The following WDFY3 variants were observed in gnomAD, a reference collection of about 807,000 sequenced individuals.
The protein encoded by WDFY3 is WD repeat and FYVE domain-containing protein 3.
Under a neutral mutation model 409.6 loss-of-function variants are expected in WDFY3, and 66 were observed. The ratio of observed to expected loss-of-function variants is 0.16; its 90% CI spans 0.13 to 0.20. The LOEUF (loss-of-function observed/expected upper bound fraction) is 0.20. Ranked by LOEUF, WDFY3 falls within the 10% of genes least tolerant of loss-of-function variation. The pLI is 1.00. For missense variants in WDFY3, 3,031 were observed against 4,298.1 expected, an observed-to-expected ratio of 0.71 and a Z score of 8.24; for synonymous variants, 1,521 against 1,537.1, an observed-to-expected ratio of 0.99 and a Z score of 0.25.
chr4:84,677,511 T>C, intron 66 of WDFY3, 115 bp from the exon 67 acceptor site: 1 of 939,606 alleles, frequency 1.1e-6, no homozygotes, highest in South Asian at 1.9e-5. Flanking sequence ...GTAAGGGTCC[T>C]GGAGAGACCC....
chr4:84,880,668 A>C (rs1763364213), intron 3 of WDFY3, among the ~76,000 whole-genome samples: 2 of 84,488 alleles, frequency 2.4e-5, no homozygotes, highest in South Asian at 4.3e-4. Flanking sequence ...CAATAAGGGA[A>C]CCATACATAT....
intron 30 of WDFY3, 52 bp downstream of exon 30, chr4:84,772,782 AG>A: frequency 7.0e-7 from 1 of 1,429,266 alleles, no homozygotes; most frequent in Admixed American, 1.9e-5. Flanking sequence ...AGAAGAAAAA[AG>A]GCATAATATT....
At chr4:84,713,729 C>T (rs756725598) in intron 50 of WDFY3, among the ~76,000 whole-genome samples, 13 of 152,190 alleles carry the variant, frequency 8.5e-5, no homozygotes, top group Non-Finnish European at 1.9e-4. Flanking sequence ...GAGAATGCCT[C>T]TCATCTACAT....
Position 84,711,632 on chromosome 4 carries a change from C to T in WDFY3, c.8042+1527G>A, listed in dbSNP as rs560972048. Among the ~76,000 whole-genome samples, 101 of 152,168 alleles carry T rather than the reference C, an allele frequency of 6.6e-4. 4 individuals carry two copies. The South Asian group carries it at 0.02, about 30-fold the overall frequency. The stretch of plus-strand genomic sequence containing the variant: ...CTTTGGGAGGCCGAGGAGGGCGGAT[C>T]GCGAGGTCGGGAGTTTGAGAGCAGC... On this transcript the variant is annotated intron_variant, in intron 51 of 67. Coordinates refer to ENST00000295888, the MANE Select transcript of WDFY3 (RefSeq NM_014991.6).
intron 1 of WDFY3, among the ~76,000 whole-genome samples, chr4:84,943,563 C>G (rs142990155): frequency 2.0e-5 from 3 of 151,996 alleles, no homozygotes; most frequent in Non-Finnish European, 4.4e-5. Flanking sequence ...TATAAATCGA[C>G]GGTTTATGTT....
intron 17 of WDFY3, 68 bp from the exon 18 acceptor site, chr4:84,798,176 C>A: frequency 7.6e-7 from 1 of 1,316,144 alleles, no homozygotes; most frequent in African/African-American, 1.5e-5. Context: ...ACCAAATATT[C>A]AGAAAAAGAA....
At chr4:84,928,764 AT>A (rs1770340351) in intron 2 of WDFY3, among the ~76,000 whole-genome samples, 1 of 152,312 alleles carries the variant, frequency 6.6e-6, no homozygotes, top group South Asian at 2.1e-4. Context: ...TTACTCTTAA[AT>A]TTTTTTAGGG....
At chr4:84,834,294 C>G (rs1479038954) in intron 7 of WDFY3, among the ~76,000 whole-genome samples, 1 of 152,158 alleles carries the variant, frequency 6.6e-6, no homozygotes, top group Non-Finnish European at 1.5e-5. Context: ...CAGAAGGATT[C>G]TTACAAATAA....
At chr4:84,726,261 C>A (rs908616970) in intron 45 of WDFY3, among the ~76,000 whole-genome samples, 8 of 151,944 alleles carry the variant, frequency 5.3e-5, no homozygotes, top group African/African-American at 1.9e-4. Context: ...GAATTTTTTT[C>A]TAAATATTTT....
At chr4:84,825,540 GA>G in intron 10 of WDFY3, among the ~76,000 whole-genome samples, 1 of 151,910 alleles carries the variant, frequency 6.6e-6, no homozygotes, top group South Asian at 2.1e-4. Context: ...TAAATAAAAT[GA>G]AACCTTAAAT....
chr4:84,779,642 C>G (rs957235401), intron 26 of WDFY3, among the ~76,000 whole-genome samples: 25 of 152,018 alleles, frequency 1.6e-4, no homozygotes, highest in Admixed American at 1.5e-3. Flanking sequence ...GCTTTCACGT[C>G]TCCTGAGTAA....
chr4:84,687,981 G>C (rs1430799166), intron 62 of WDFY3, 105 bp downstream of exon 62: 1 of 1,237,892 alleles, frequency 8.1e-7, no homozygotes, highest in Admixed American at 2.0e-5. Context: ...GTAGCCTCCT[G>C]AGCAGCTGCA....
chr4:84,847,242 A>G (rs1758192331), intron 5 of WDFY3, among the ~76,000 whole-genome samples: 1 of 152,036 alleles, frequency 6.6e-6, no homozygotes, highest in Admixed American at 6.5e-5. Flanking sequence ...AAAGATCACC[A>G]AAAAAACAGC....
intron 26 of WDFY3, 152 bp from the exon 27 acceptor site, chr4:84,778,807 ATTAAG>A (rs1207815395): frequency 5.0e-5 from 33 of 659,178 alleles, no homozygotes; most frequent in Admixed American, 8.4e-5. Context: ...TTCTGAGATT[ATTAAG>A]TTAATTTCTA....
chr4:84,787,447 C>A, intron 23 of WDFY3, 35 bp downstream of exon 23: 1 of 1,590,410 alleles, frequency 6.3e-7, no homozygotes, highest in South Asian at 1.1e-5. Context: ...AGTTAAGTTT[C>A]ATACAACTTC....
In WDFY3 at chr4:84,741,781, T is replaced by C. The variant is rs551762784; in HGVS notation, c.6214A>G (p.Ile2072Val). ...ATTACCTGTGCAATTAGTTGAATTATAAAATCTATAAGAAGTTTAGATTCT... is the reference window on the plus strand; with the variant it reads ...ATTACCTGTGCAATTAGTTGAATTACAAAATCTATAAGAAGTTTAGATTCT... ...NKESKLLIDFIIQLIAQSKRR... is the reference protein window; with the variant it reads ...NKESKLLIDFVIQLIAQSKRR... Residue 2072 changes from isoleucine to valine, a missense_variant, in exon 38 of 68, where the codon ATA (isoleucine) becomes GTA (valine). By Grantham distance (29) the Ile-to-Val change is conservative (BLOSUM62 3). This residue lies in a region of WDFY3 where 314 missense variants were observed against 397.4 expected (regional missense o/e 0.79). Transcript: ENST00000295888. The C allele has an allele frequency of 1.1e-5, 18 of 1,610,856 alleles. No individual in the cohort carries two copies. The highest frequency in any genetic ancestry group is 1.5e-5 in the Non-Finnish European group (18 of 1,177,724).
chr4:84,910,154 T>C (rs1374521421), intron 2 of WDFY3, among the ~76,000 whole-genome samples: 1 of 152,182 alleles, frequency 6.6e-6, no homozygotes, highest in African/African-American at 2.4e-5. Context: ...ACTATTTATA[T>C]AACATTGACA....
chr4:84,840,380 C>T (rs554207815), intron 6 of WDFY3, among the ~76,000 whole-genome samples: 2 of 152,200 alleles, frequency 1.3e-5, no homozygotes, highest in South Asian at 4.1e-4. Flanking sequence ...AAATTTAAAA[C>T]TATTTTCCAT....
chr4:84,827,923 C>T (rs941644602), intron 9 of WDFY3, among the ~76,000 whole-genome samples: 5 of 152,020 alleles, frequency 3.3e-5, no homozygotes, highest in Non-Finnish European at 7.4e-5. Context: ...TGGCACCAGC[C>T]TGGGCAACAT....
Sources: gnomAD v4.1 joint callset for allele counts (sites outside exome capture counted in the v4.1 genomes callset) on GRCh38, gnomAD v4.1.1 for gene constraint, gnomAD v4.1.1 regional missense constraint, MANE v1.5 for transcripts, NCBI Gene and HGNC (gene_info 2026-07-23, HGNC 2026-07-21) for gene names.